The following KIAA1549L variants were observed in gnomAD, a reference collection of about 807,000 sequenced individuals.
KIAA1549L encodes UPF0606 protein KIAA1549L.
Under a neutral mutation model 160.7 loss-of-function variants are expected in KIAA1549L, and 88 were observed. That is an observed-to-expected ratio of 0.55 (90% CI 0.46 to 0.65). The LOEUF (loss-of-function observed/expected upper bound fraction) is 0.65, where lower values mean the gene tolerates loss of function less well. Among genes scored for constraint, KIAA1549L ranks in the 30% least tolerant of loss-of-function variants. The probability of loss-of-function intolerance (pLI) is 0.00; values close to 1 mark genes in which losing one functional copy is unlikely to be tolerated. For missense variants in KIAA1549L, 2,258 were observed against 2,437.5 expected (o/e 0.93, Z 1.55); for synonymous variants, 950 against 976.7 (o/e 0.97, Z 0.51).
intron 1 of KIAA1549L, among the ~76,000 whole-genome samples, chr11:33,404,932 T>C (rs1289892142): frequency 7.1e-6 from 1 of 141,720 alleles, no homozygotes; most frequent in Non-Finnish European, 1.5e-5. Flanking sequence ...TGCTTGAACC[T>C]GGGAGGTGGA....
At chr11:33,455,090 A>AAAAAC (rs966738827) in intron 1 of KIAA1549L, among the ~76,000 whole-genome samples, 1 of 152,126 alleles carries the variant, frequency 6.6e-6, no homozygotes, top group African/African-American at 2.4e-5. Context: ...CTCCATCTCA[A>AAAAAC]AAAACAAAAC....
chr11:33,584,162 C>T (rs899657980), intron 11 of KIAA1549L, among the ~76,000 whole-genome samples: 14 of 152,224 alleles, frequency 9.2e-5, no homozygotes, highest in Admixed American at 3.3e-4. Flanking sequence ...CATCCTGGCA[C>T]CTTGATCTTG....
intron 1 of KIAA1549L, among the ~76,000 whole-genome samples, chr11:33,389,779 C>G (rs573024912): frequency 1.3e-5 from 2 of 152,334 alleles, no homozygotes; most frequent in Non-Finnish European, 2.9e-5. Flanking sequence ...GTTGTCGAAG[C>G]TTTCAGTTTC....
Position 33,551,046 on chromosome 11 carries a change from A to C in KIAA1549L, c.3508A>C (p.Ile1170Leu). Residue 1170 changes from isoleucine to leucine, a missense_variant, in exon 5 of 21, where the codon ATT becomes CTT. By Grantham distance (5) the Ile-to-Leu change is conservative. Coordinates refer to ENST00000658780, the MANE Select transcript of KIAA1549L (RefSeq NM_012194.3). ...GGGTCCATTTGTTTTGTAGGTGGAC[A>C]TTCTGGAATATTCTCATAATGTCAC... ...HQNDVSAHVD[I>L]LEYSHNVTVG... 6.2e-7 allele frequency: 1 copy of C among 1,613,836 alleles called. No homozygotes were observed. Among genetic ancestry groups the C allele is most frequent in the Non-Finnish European group, 8.5e-7 (1 of 1,179,698 alleles).
chr11:33,606,942 T>A, intron 14 of KIAA1549L, 120 bp downstream of exon 14: 1 of 759,518 alleles, frequency 1.3e-6, no homozygotes. Context: ...AGGTCATTTT[T>A]ACCTCTGCAT....
chr11:33,413,949 G>T (rs1256714518), intron 1 of KIAA1549L, among the ~76,000 whole-genome samples: 1 of 152,152 alleles, frequency 6.6e-6, no homozygotes, highest in Non-Finnish European at 1.5e-5. Flanking sequence ...GCAGGGATCT[G>T]ACAAAGGATT....
intron 1 of KIAA1549L, among the ~76,000 whole-genome samples, chr11:33,393,546 T>C (rs557183096): frequency 2.6e-5 from 4 of 152,316 alleles, no homozygotes; most frequent in East Asian, 3.9e-4. Flanking sequence ...TTATTAGCCA[T>C]GTCTACTAGA....
chr11:33,404,853 AC>A (rs1646138536), intron 1 of KIAA1549L, among the ~76,000 whole-genome samples: 1 of 151,886 alleles, frequency 6.6e-6, no homozygotes, highest in Non-Finnish European at 1.5e-5. Flanking sequence ...TAATAAAAAT[AC>A]AAAAAATTAG....
intron 1 of KIAA1549L, among the ~76,000 whole-genome samples, chr11:33,463,593 G>A (rs1009689528): frequency 1.5e-4 from 23 of 152,266 alleles, no homozygotes; most frequent in African/African-American, 5.1e-4. Context: ...CTGAAAAAGT[G>A]GCTTGAAATA....
chr11:33,428,448 C>A (rs907825594), intron 1 of KIAA1549L, among the ~76,000 whole-genome samples: 8 of 152,042 alleles, frequency 5.3e-5, no homozygotes, highest in African/African-American at 1.9e-4. Flanking sequence ...GCTCTCCCTC[C>A]CCATCCCCCC....
At chr11:33,434,286 C>T (rs1851311724) in intron 1 of KIAA1549L, among the ~76,000 whole-genome samples, 1 of 152,082 alleles carries the variant, frequency 6.6e-6, no homozygotes, top group South Asian at 2.1e-4. Flanking sequence ...AATGGGAGTT[C>T]CCCTGCACAA....
intron 16 of KIAA1549L, among the ~76,000 whole-genome samples, chr11:33,640,902 G>A (rs1344412297): frequency 6.6e-6 from 1 of 152,196 alleles, no homozygotes; most frequent in African/African-American, 2.4e-5. Flanking sequence ...TCCATTCCAA[G>A]TTAAAGAGGT....
At chr11:33,658,445 A>G (rs1410311866) in intron 18 of KIAA1549L, among the ~76,000 whole-genome samples, 4 of 152,116 alleles carry the variant, frequency 2.6e-5, no homozygotes, top group African/African-American at 9.7e-5. Flanking sequence ...TTCTTATTTT[A>G]TGTGGAAATT....
chr11:33,631,992 A>C (rs1851303703), intron 16 of KIAA1549L, among the ~76,000 whole-genome samples: 1 of 152,216 alleles, frequency 6.6e-6, no homozygotes, highest in South Asian at 2.1e-4. Context: ...CTCTGAGCCA[A>C]ATACACATTA....
chr11:33,534,424 G>A (rs974470433), intron 1 of KIAA1549L, among the ~76,000 whole-genome samples: 6 of 151,902 alleles, frequency 3.9e-5, no homozygotes, highest in East Asian at 1.9e-4. Context: ...GACTATTACC[G>A]TATTTGTGAG....
intron 1 of KIAA1549L, among the ~76,000 whole-genome samples, chr11:33,400,460 T>C (rs1376453482): frequency 1.3e-5 from 2 of 152,186 alleles, no homozygotes; most frequent in Admixed American, 1.3e-4. Context: ...TAACAACTTC[T>C]ACTGAGTGTC....
At chr11:33,393,136 C>T (rs982099277) in intron 1 of KIAA1549L, among the ~76,000 whole-genome samples, 1 of 152,184 alleles carries the variant, frequency 6.6e-6, no homozygotes, top group South Asian at 2.1e-4. Context: ...AATGAACCAC[C>T]TCCAACTCAC....
At chr11:33,581,682 AC>A (rs1030986259) in intron 10 of KIAA1549L, among the ~76,000 whole-genome samples, 4 of 152,198 alleles carry the variant, frequency 2.6e-5, no homozygotes, top group African/African-American at 9.6e-5. Context: ...AATTTAAATA[AC>A]CCTTCATTCC....
In KIAA1549L at chr11:33,544,215, C is replaced by T. The variant is rs1277126428; in HGVS notation, c.2652C>T (p.Ser884=). 1.4e-5 allele frequency: 23 copies of T among 1,613,890 alleles called. No homozygotes were observed. Among genetic ancestry groups the T allele is most frequent in the African/African-American group, 2.7e-5 (2 of 74,926 alleles). Residue 884 remains serine, a synonymous_variant, in exon 2 of 21, where the codon TCC becomes TCT. Coordinates refer to ENST00000658780, the MANE Select transcript of KIAA1549L (RefSeq NM_012194.3). ...DINSSPERNA[S]TPFQNILGYH... is the part of the protein sequence containing the mutation. ...ATTCATCACCTGAGAGAAATGCTTCCACACCATTCCAGAACATCTTGGGAT... is the reference window on the plus strand; with the variant it reads ...ATTCATCACCTGAGAGAAATGCTTCTACACCATTCCAGAACATCTTGGGAT...
Sources: gnomAD v4.1 joint callset for allele counts (sites outside exome capture counted in the v4.1 genomes callset) on GRCh38, gnomAD v4.1.1 for gene constraint, MANE v1.5 for transcripts, NCBI Gene and HGNC (gene_info 2026-07-23, HGNC 2026-07-21) for gene names.